Variants in ACOT1 observed in about 807,000 individuals in gnomAD.
The protein encoded by ACOT1 is acyl-coenzyme A thioesterase 1.
A neutral mutation model predicts 15.7 loss-of-function variants in ACOT1; 8 were observed. The ratio of observed to expected loss-of-function variants is 0.51; its 90% CI spans 0.30 to 0.92. The LOEUF is 0.92. Among genes scored for constraint, ACOT1 ranks in the 40% least tolerant of loss-of-function variants. The pLI is 0.06. For missense variants in ACOT1, 151 were observed against 539.4 expected, an observed-to-expected ratio of 0.28 and a Z score of 7.13; for synonymous variants, 67 against 241.2, an observed-to-expected ratio of 0.28 and a Z score of 6.69.
At chr14:73,510,781 G>T in the ACOT1 span, among the ~76,000 whole-genome samples, 1 of 152,114 alleles carries the variant, frequency 6.6e-6, no homozygotes, top group African/African-American at 2.4e-5. Flanking sequence ...ACAGAGTCTT[G>T]GGGACAGCAC....
the ACOT1 span, among the ~76,000 whole-genome samples, chr14:73,497,881 C>T: frequency 6.6e-6 from 1 of 152,230 alleles, no homozygotes; most frequent in African/African-American, 2.4e-5. Context: ...CTGCCTCAGC[C>T]TCCCAAAGTG....
the ACOT1 span, among the ~76,000 whole-genome samples, chr14:73,497,007 T>C: frequency 1.3e-5 from 2 of 152,266 alleles, no homozygotes; most frequent in Admixed American, 6.5e-5. Context: ...GCGATTCTCC[T>C]GCCTCAGCCT....
the ACOT1 span, among the ~76,000 whole-genome samples, chr14:73,504,265 C>T: frequency 2.1e-4 from 31 of 146,846 alleles, no homozygotes; most frequent in African/African-American, 5.8e-4. Flanking sequence ...TTTTTTGAGA[C>T]GGAGCCTCGC....
the ACOT1 span, chr14:73,523,098 G>A: frequency 6.2e-7 from 1 of 1,610,790 alleles, no homozygotes; most frequent in Non-Finnish European, 8.5e-7. Flanking sequence ...CGTGGGGGCA[G>A]TGACTGATAG....
chr14:73,494,430 T>C, the ACOT1 span, among the ~76,000 whole-genome samples: 4 of 152,252 alleles, frequency 2.6e-5, no homozygotes, highest in Non-Finnish European at 5.9e-5. Context: ...TTTTCTGTTA[T>C]TTAAGGTTGA....
chr14:73,520,208 A>C, the ACOT1 span: 2 of 152,220 alleles, frequency 1.3e-5, no homozygotes, highest in Admixed American at 1.3e-4. Context: ...GAAGACCTAG[A>C]TTGAGTATCC....
chr14:73,525,065 C>A, the ACOT1 span, among the ~76,000 whole-genome samples: 1 of 151,908 alleles, frequency 6.6e-6, no homozygotes, highest in Admixed American at 6.6e-5. Context: ...CTTGTTCTGT[C>A]GCCCAGGCTG....
At chr14:73,491,733 A>G in the ACOT1 span, 6,783 of 1,553,588 alleles carry the variant, frequency 4.4e-3, 37 homozygotes, top group Middle Eastern at 0.038. Flanking sequence ...ACCTACTACC[A>G]GGGACTTTTC....
At chr14:73,512,230 T>G in the ACOT1 span, 1 of 1,504,068 alleles carries the variant, frequency 6.6e-7, no homozygotes, top group South Asian at 1.2e-5. Context: ...ACAAGAAGTC[T>G]GCCCTTCACC....
At chr14:73,490,953 C>A in the ACOT1 span, 1 of 1,285,958 alleles carries the variant, frequency 7.8e-7, no homozygotes. Context: ...GCAGCCGCTG[C>A]ATTCAGGAAC....
the ACOT1 span, among the ~76,000 whole-genome samples, chr14:73,497,343 A>G: frequency 6.6e-6 from 1 of 152,166 alleles, no homozygotes; most frequent in Non-Finnish European, 1.5e-5. Flanking sequence ...TCTGGCCAAG[A>G]CAATATATTT....
the ACOT1 span, chr14:73,520,861 TCTC>T: frequency 1.9e-6 from 3 of 1,613,596 alleles, no homozygotes; most frequent in Middle Eastern, 1.6e-4. Context: ...CCAAAGTAAA[TCTC>T]CTGTTCAAAG....
At chr14:73,516,147 CAAAAAA>C in the ACOT1 span, among the ~76,000 whole-genome samples, 3 of 9,158 alleles carry the variant, frequency 3.3e-4, no homozygotes, top group Admixed American at 4.3e-3. Context: ...CAACAGTCAT[CAAAAAA>C]AAAAAAAAAA....
the ACOT1 span, among the ~76,000 whole-genome samples, chr14:73,523,583 T>C: frequency 6.6e-6 from 1 of 152,340 alleles, no homozygotes; most frequent in South Asian, 2.1e-4. Flanking sequence ...GGGTTCTCCA[T>C]GAGTTTGGCC....
chr14:73,510,893 G>T, the ACOT1 span, among the ~76,000 whole-genome samples: 1 of 152,218 alleles, frequency 6.6e-6, no homozygotes, highest in Non-Finnish European at 1.5e-5. Flanking sequence ...CAAAGGGCCT[G>T]CCTGTTATAA....
the ACOT1 span, among the ~76,000 whole-genome samples, chr14:73,506,797 T>C: frequency 7.5e-6 from 1 of 133,876 alleles, no homozygotes; most frequent in Non-Finnish European, 1.6e-5. Flanking sequence ...CTTTCCTGAC[T>C]TTAACTGTTT....
At chr14:73,533,968 C>A (rs1888788461), upstream of ACOT1, among the ~76,000 whole-genome samples, 1 of 108,474 alleles carries the variant, frequency 9.2e-6, no homozygotes, top group Admixed American at 1.1e-4. Context: ...GGTAGGGTCA[C>A]TTGTTTGGGA....
the ACOT1 span, chr14:73,492,283 G>T: frequency 9.9e-6 from 16 of 1,613,990 alleles, no homozygotes; most frequent in Non-Finnish European, 1.4e-5. The surrounding 1 kb of genome is among the most constrained non-coding windows in gnomAD (Gnocchi z 4.9). Context: ...CCTTGTCCAC[G>T]TACCAGCGCA....
At chr14:73,517,700 AGGGAAGGGGAG>A in the ACOT1 span, among the ~76,000 whole-genome samples, 6 of 137,928 alleles carry the variant, frequency 4.4e-5, no homozygotes, top group African/African-American at 1.6e-4. Context: ...AAAGAGAGAG[AGGGAAGGGGAG>A]GGGAAGGGGG....
Sources: allele counts gnomAD v4.1 joint callset (sites outside exome capture counted in the v4.1 genomes callset), GRCh38; gene constraint gnomAD v4.1.1; non-coding constraint Gnocchi (gnomAD v3.1); transcripts MANE v1.5; gene names NCBI Gene and HGNC (gene_info 2026-07-23, HGNC 2026-07-21).